LRRC4C: variants seen among roughly 807,000 people sequenced by gnomAD.
LRRC4C encodes the protein leucine-rich repeat-containing protein 4C.
Under a neutral mutation model 33.6 loss-of-function variants are expected in LRRC4C, and 5 were observed. The observed-to-expected ratio is 0.15, with a 90% CI of 0.08 to 0.31. LRRC4C has a LOEUF of 0.31. Among genes scored for constraint, LRRC4C ranks in the 10% least tolerant of loss-of-function variants. LRRC4C has a pLI of 1.00. For synonymous variants in LRRC4C, 329 were observed against 302.0 expected, an observed-to-expected ratio of 1.09 and a Z score of -0.93; for missense variants, 560 against 796.7, an observed-to-expected ratio of 0.70 and a Z score of 3.58.
chr11:41,351,254 C>CACACACACACACAT (rs1479023225), intron 1 of LRRC4C, among the ~76,000 whole-genome samples: 1 of 23,258 alleles, frequency 4.3e-5, no homozygotes, highest in African/African-American at 8.8e-5. Context: ...CACACACATA[C>CACACACACACACAT]ACACACACAC....
chr11:40,962,160 CAG>C (rs1851021636), intron 1 of LRRC4C, among the ~76,000 whole-genome samples: 1 of 151,378 alleles, frequency 6.6e-6, no homozygotes, highest in African/African-American at 2.4e-5. Context: ...GCACCCGCAT[CAG>C]AGAGAGATAC....
intron 3 of LRRC4C, among the ~76,000 whole-genome samples, chr11:40,356,800 G>A (rs112234070): frequency 4.6e-5 from 7 of 152,174 alleles, no homozygotes; most frequent in African/African-American, 1.7e-4. Flanking sequence ...CAAGCATGAG[G>A]CAGACAGTAA....
chr11:40,119,809 C>T (rs771498231), intron 6 of LRRC4C, among the ~76,000 whole-genome samples: 8 of 152,086 alleles, frequency 5.3e-5, no homozygotes, highest in Non-Finnish European at 1.2e-4. Flanking sequence ...GCAAACCAGC[C>T]AATCCAAAGG....
intron 2 of LRRC4C, among the ~76,000 whole-genome samples, chr11:40,683,180 G>C (rs1944785990): frequency 6.6e-6 from 1 of 152,144 alleles, no homozygotes; most frequent in African/African-American, 2.4e-5. Flanking sequence ...CGAAGGTGGT[G>C]GGTTAAAAAA....
At chr11:40,287,405 G>A (rs1021860301) in intron 4 of LRRC4C, among the ~76,000 whole-genome samples, 1 of 151,942 alleles carries the variant, frequency 6.6e-6, no homozygotes, top group Non-Finnish European at 1.5e-5. Context: ...ACTCTTGTAT[G>A]TGCATGCATT....
intron 1 of LRRC4C, among the ~76,000 whole-genome samples, chr11:40,940,759 G>C (rs563797997): frequency 6.6e-6 from 1 of 152,042 alleles, no homozygotes; most frequent in East Asian, 1.9e-4. Context: ...CAAAACTCTA[G>C]ACAACTGAAT....
At chr11:40,914,158 A>G (rs1956832681) in intron 2 of LRRC4C, among the ~76,000 whole-genome samples, 2 of 152,184 alleles carry the variant, frequency 1.3e-5, no homozygotes, top group South Asian at 4.1e-4. Context: ...TACTATTTCA[A>G]TCAATAGAAA....
rs1018202791 is a variant in LRRC4C, at chr11:41,333,205, G to T, written c.-496+126226C>A. ...TTTCTCTAAATGCTTTGTAATTGAAGAATCAAGGCATAATGTCTATTATTT... is the reference window on the plus strand; with the variant it reads ...TTTCTCTAAATGCTTTGTAATTGAATAATCAAGGCATAATGTCTATTATTT... On this transcript the variant is annotated intron_variant, in intron 1 of 6. Coordinates refer to ENST00000528697, the MANE Select transcript of LRRC4C (RefSeq NM_001258419.2). Among the ~76,000 whole-genome samples, 6 of 152,096 alleles carry T rather than the reference G, an allele frequency of 3.9e-5. 1 individual carries two copies. Among genetic ancestry groups the T allele is most frequent in the Non-Finnish European group, 7.4e-5 (5 of 68,002 alleles).
At chr11:40,680,168 G>C (rs1361252899) in intron 2 of LRRC4C, among the ~76,000 whole-genome samples, 3 of 152,174 alleles carry the variant, frequency 2.0e-5, no homozygotes, top group East Asian at 3.9e-4. Flanking sequence ...TAGCCTTTAA[G>C]CTTCGGCCAA....
rs1856462257 is a variant in LRRC4C at position 41,027,655 on chromosome 11, T to A, written c.-495-93932A>T. ...TGTAACTTTCTCCTAGGAAAACAAC[T>A]ATTTTACTAAAATTCAACAATCATA... On this transcript the variant is annotated intron_variant, in intron 1 of 6. Transcript: ENST00000528697. 3.3e-5 allele frequency among the ~76,000 whole-genome samples: 5 copies of A among 151,848 alleles called. No individual in the cohort carries two copies. In the South Asian group the frequency reaches 1.0e-3, roughly 31 times the overall value.
chr11:40,537,865 A>G (rs1312794949), intron 3 of LRRC4C, among the ~76,000 whole-genome samples: 2 of 152,156 alleles, frequency 1.3e-5, no homozygotes, highest in African/African-American at 2.4e-5. Context: ...TTGGAAAGCT[A>G]GTAAATTCCT....
At chr11:40,860,906 A>G (rs757930653) in intron 2 of LRRC4C, among the ~76,000 whole-genome samples, 8 of 148,612 alleles carry the variant, frequency 5.4e-5, no homozygotes, top group Non-Finnish European at 8.9e-5. Context: ...TTTTGGAACT[A>G]GAAAGTAGCA....
At chr11:40,974,782 T>C (rs1227138361) in intron 1 of LRRC4C, among the ~76,000 whole-genome samples, 1 of 152,148 alleles carries the variant, frequency 6.6e-6, no homozygotes, top group Non-Finnish European at 1.5e-5. Context: ...GGGTCCAGGA[T>C]AGAAGAGAAA....
chr11:41,438,057 A>G (rs1004484037), intron 1 of LRRC4C, among the ~76,000 whole-genome samples: 1 of 146,700 alleles, frequency 6.8e-6, no homozygotes, highest in South Asian at 2.1e-4. Context: ...AAATAAATAA[A>G]TAAATAAATA....
At chr11:41,069,568 G>T (rs1278445362) in intron 1 of LRRC4C, among the ~76,000 whole-genome samples, 1 of 152,122 alleles carries the variant, frequency 6.6e-6, no homozygotes, top group African/African-American at 2.4e-5. Context: ...CTTCAACAAA[G>T]TCTCAGGATA....
intron 2 of LRRC4C, among the ~76,000 whole-genome samples, chr11:40,683,909 A>G (rs565455410): frequency 6.6e-6 from 1 of 152,324 alleles, no homozygotes; most frequent in South Asian, 2.1e-4. Flanking sequence ...CACTGAGTTT[A>G]AATGCATCAC....
chr11:40,633,329 C>CTT (rs1345391957), intron 3 of LRRC4C, among the ~76,000 whole-genome samples: 2 of 15,302 alleles, frequency 1.3e-4, no homozygotes, highest in African/African-American at 3.9e-4. Flanking sequence ...TTTTCTTTTT[C>CTT]TTTCTTTCTT....
chr11:40,246,282 C>T (rs1324208599), intron 4 of LRRC4C, among the ~76,000 whole-genome samples: 1 of 151,968 alleles, frequency 6.6e-6, no homozygotes, highest in Non-Finnish European at 1.5e-5. Flanking sequence ...CCCTAAAGTC[C>T]TAACTTTTTA....
chr11:41,210,667 G>A (rs142203641), intron 1 of LRRC4C, among the ~76,000 whole-genome samples: 29 of 152,062 alleles, frequency 1.9e-4, no homozygotes, highest in African/African-American at 4.1e-4. Context: ...AGATATTGTC[G>A]GCATCTATTT....
Sources: gnomAD v4.1 joint callset for allele counts (sites outside exome capture counted in the v4.1 genomes callset) on GRCh38, gnomAD v4.1.1 for gene constraint, MANE v1.5 for transcripts, NCBI Gene and HGNC (gene_info 2026-07-23, HGNC 2026-07-21) for gene names.